The following ARMC10 variants were observed in gnomAD, a reference collection of about 807,000 sequenced individuals.
The protein encoded by ARMC10 is armadillo repeat-containing protein 10.
In ARMC10, 23 loss-of-function variants were observed where a neutral mutation model predicts 30.2. That is an observed-to-expected ratio of 0.76 (90% CI 0.55 to 1.08). The LOEUF is 1.08. Ranked by LOEUF, ARMC10 falls within the 50% of genes least tolerant of loss-of-function variation. The probability of loss-of-function intolerance (pLI) is 0.00; values close to 1 mark genes in which losing one functional copy is unlikely to be tolerated. For missense variants in ARMC10, 303 were observed against 413.7 expected, an observed-to-expected ratio of 0.73 and a Z score of 2.32; for synonymous variants, 111 against 164.4, an observed-to-expected ratio of 0.68 and a Z score of 2.48.
intron 2 of ARMC10, among the ~76,000 whole-genome samples, chr7:103,080,445 G>A (rs1442466595): frequency 6.6e-6 from 1 of 151,864 alleles, no homozygotes; most frequent in African/African-American, 2.4e-5. Flanking sequence ...AGTAGAGACG[G>A]GGTTTCACCA....
chr7:103,083,109 AG>A, intron 2 of ARMC10: 1 of 456,724 alleles, frequency 2.2e-6, no homozygotes, highest in Non-Finnish European at 4.4e-6. Context: ...TAAAAGGAGA[AG>A]CAAAATGTTA....
chr7:103,083,859 C>T, intron 3 of ARMC10, 29 bp downstream of exon 3: 1 of 1,608,738 alleles, frequency 6.2e-7, no homozygotes, highest in South Asian at 1.1e-5. Flanking sequence ...CAAGCAAGCT[C>T]TTTCCATTCT....
At chr7:103,080,611 C>T (rs1800296253) in intron 2 of ARMC10, among the ~76,000 whole-genome samples, 1 of 149,390 alleles carries the variant, frequency 6.7e-6, no homozygotes, top group Non-Finnish European at 1.5e-5. Context: ...AGTATAGGCT[C>T]ATTATTTTAT....
rs770958525 is a variant in ARMC10 at position 103,086,750 on chromosome 7, C to G, written c.514C>G (p.Gln172Glu). 1.9e-6 allele frequency: 3 copies of G among 1,588,782 alleles called. No individual in the cohort carries two copies. The highest frequency in any genetic ancestry group is 2.6e-6 in the Non-Finnish European group (3 of 1,173,154). ...LNNLSVNVEN[Q>E]IKIKIYISQV... ...TAACCTGAGTGTGAATGTTGAAAAT[C>G]AAATCAAGATAAAGGTAAGTTGACT... The change falls in exon 4 of 7, where the codon CAA (glutamine) becomes GAA (glutamate). Residue 172 changes from glutamine (Q) to glutamate (E), a missense_variant. This residue lies in a region of ARMC10 where 170 missense variants were observed against 207.2 expected (regional missense o/e 0.82). Transcript: ENST00000323716.
chr7:103,084,989 A>G (rs1800708277), intron 3 of ARMC10, among the ~76,000 whole-genome samples: 1 of 152,218 alleles, frequency 6.6e-6, no homozygotes, highest in South Asian at 2.1e-4. Flanking sequence ...CAAGTGAACA[A>G]CAATCCCAGC....
chr7:103,087,262 CT>C (rs1357882594), intron 4 of ARMC10, among the ~76,000 whole-genome samples: 2 of 152,156 alleles, frequency 1.3e-5, no homozygotes, highest in African/African-American at 4.8e-5. Flanking sequence ...TGCTTTAGCT[CT>C]TTCAATGGAT....
At chr7:103,096,423 T>A (rs1801765519) in intron 5 of ARMC10, 2 of 152,162 alleles carry the variant, frequency 1.3e-5, no homozygotes, top group Admixed American at 1.3e-4. Context: ...ACCTCAAAAA[T>A]TCATGGTAGC....
rs928481443 is a variant in ARMC10, at chr7:103,075,825, C to T, written c.188C>T (p.Ala63Val). ...TSEGQLCGRS[A>V]RPQTGGTWES... ...GAGGGTCAGTTGTGCGGGCGCTCGG[C>T]CCGGCCTCAGACGGGAGGTACCTGG... The change falls in exon 2 of 7, where the codon GCC becomes GTC. Residue 63 changes from alanine to valine, a missense_variant. By Grantham distance (64) the Ala-to-Val change is moderately conservative. Around this residue, in one of 4 missense-constraint regions of ARMC10, gnomAD observed 96 missense variants for 84.2 expected, o/e 1.14. Coordinates refer to ENST00000323716, the MANE Select transcript of ARMC10 (RefSeq NM_031905.5). 6.2e-7 allele frequency: 1 copy of T among 1,611,280 alleles called. No individual in the cohort carries two copies. Among genetic ancestry groups the T allele is most frequent in the Non-Finnish European group, 8.5e-7 (1 of 1,178,838 alleles).
chr7:103,090,180 T>C (rs1031881690), intron 4 of ARMC10, among the ~76,000 whole-genome samples: 5 of 152,236 alleles, frequency 3.3e-5, no homozygotes, highest in Non-Finnish European at 7.3e-5. Flanking sequence ...ATCTTGTTAT[T>C]ATAATTGAAA....
chr7:103,076,502 T>C (rs1206301528), intron 2 of ARMC10, among the ~76,000 whole-genome samples: 5 of 152,200 alleles, frequency 3.3e-5, no homozygotes, highest in Non-Finnish European at 7.3e-5. Flanking sequence ...AGAAAGTCTT[T>C]CTTGGGCTGT....
chr7:103,089,464 A>T, intron 4 of ARMC10: 1 of 201,616 alleles, frequency 5.0e-6, no homozygotes, highest in South Asian at 1.0e-4. Context: ...GTATGTCTCC[A>T]TGGGGTTGAC....
At chr7:103,080,861 C>T (rs958666866) in intron 2 of ARMC10, among the ~76,000 whole-genome samples, 11 of 151,598 alleles carry the variant, frequency 7.3e-5, no homozygotes, top group African/African-American at 2.4e-4. Flanking sequence ...CTCCTAACCT[C>T]GTGATCCGCC....
At chr7:103,087,714 T>A (rs1800981928) in intron 4 of ARMC10, 3 of 927,408 alleles carry the variant, frequency 3.2e-6, no homozygotes, top group Non-Finnish European at 2.6e-6. Flanking sequence ...ATAATGTTGA[T>A]GGCAAGATTT....
chr7:103,078,779 G>C (rs1056400136), intron 2 of ARMC10, among the ~76,000 whole-genome samples: 2 of 152,112 alleles, frequency 1.3e-5, no homozygotes, highest in African/African-American at 4.8e-5. Context: ...GGAGGCTGAG[G>C]TGGAAGAATC....
chr7:103,082,938 G>GTA, intron 2 of ARMC10: 1 of 403,700 alleles, frequency 2.5e-6, no homozygotes, highest in Non-Finnish European at 4.9e-6. Flanking sequence ...ATCATGCCTT[G>GTA]TATAAATCAA....
At chr7:103,087,884 G>A (rs1800994344) in intron 4 of ARMC10, 3 of 605,448 alleles carry the variant, frequency 5.0e-6, no homozygotes, top group Non-Finnish European at 6.2e-6. Context: ...ATGCTATGAA[G>A]CAAAAGCAGA....
chr7:103,094,504 A>C (rs1801608924), intron 5 of ARMC10, among the ~76,000 whole-genome samples: 1 of 152,234 alleles, frequency 6.6e-6, no homozygotes, highest in Admixed American at 6.5e-5. Context: ...TGCTGTTGCT[A>C]TTCCCTGGTT....
chr7:103,086,207 G>T (rs1173565958), intron 3 of ARMC10, among the ~76,000 whole-genome samples: 1 of 152,112 alleles, frequency 6.6e-6, no homozygotes, highest in Non-Finnish European at 1.5e-5. Flanking sequence ...AATAATACGT[G>T]TTAGCAAAAC....
chr7:103,084,003 G>A (rs773299066), intron 3 of ARMC10, 173 bp downstream of exon 3: 2 of 1,508,058 alleles, frequency 1.3e-6, no homozygotes, highest in Non-Finnish European at 1.8e-6. Flanking sequence ...CAGCCTAATA[G>A]TGATATGATT....
Sources: allele counts gnomAD v4.1 joint callset (sites outside exome capture counted in the v4.1 genomes callset), GRCh38; gene constraint gnomAD v4.1.1; regional missense constraint gnomAD v4.1.1; transcripts MANE v1.5; gene names NCBI Gene and HGNC (gene_info 2026-07-23, HGNC 2026-07-21).